The following BDNF variants were observed in gnomAD, a reference collection of about 807,000 sequenced individuals.
BDNF encodes the protein neurotrophic factor BDNF precursor form.
BDNF carries 1 observed loss-of-function variant against 19.5 expected under a neutral mutation model. That is an observed-to-expected ratio of 0.05 (90% CI 0.02 to 0.24). The LOEUF is 0.24. BDNF is among the 10% of genes least tolerant of loss of function. The pLI, the probability that BDNF is intolerant of heterozygous loss-of-function variation, is 1.00. For synonymous variants in BDNF, 100 were observed against 121.6 expected (o/e 0.82, Z 1.17); for missense variants, 195 against 317.6 (o/e 0.61, Z 2.93).
intron 1 of BDNF, among the ~76,000 whole-genome samples, chr11:27,664,702 G>C (rs1169635711): frequency 6.6e-6 from 1 of 152,154 alleles, no homozygotes; most frequent in Non-Finnish European, 1.5e-5. Flanking sequence ...AGGATTACTT[G>C]AGTCTAAGAA....
chr11:27,707,539 T>C (rs1022390575), intron 1 of BDNF, among the ~76,000 whole-genome samples: 5 of 152,238 alleles, frequency 3.3e-5, no homozygotes, highest in African/African-American at 1.2e-4. Flanking sequence ...CTGCTGCAAG[T>C]GTTTGCTGTA....
At chr11:27,708,878 G>A (rs1210460666) in intron 1 of BDNF, among the ~76,000 whole-genome samples, 1 of 144,252 alleles carries the variant, frequency 6.9e-6, no homozygotes, top group African/African-American at 2.6e-5. Context: ...ACCCAGACTG[G>A]AGTGCAATGG....
At chr11:27,692,817 T>C (rs887002447) in intron 1 of BDNF, among the ~76,000 whole-genome samples, 1 of 152,198 alleles carries the variant, frequency 6.6e-6, no homozygotes, top group African/African-American at 2.4e-5. Flanking sequence ...TTATGACAGT[T>C]CGTCAAATCT....
At chr11:27,682,518 C>T (rs914961353) in intron 1 of BDNF, among the ~76,000 whole-genome samples, 1 of 151,896 alleles carries the variant, frequency 6.6e-6, no homozygotes, top group Admixed American at 6.6e-5. Flanking sequence ...ATCAACTTGT[C>T]ATCTACATTA....
chr11:27,714,296 C>G (rs1022106353), intron 1 of BDNF, among the ~76,000 whole-genome samples: 1 of 152,158 alleles, frequency 6.6e-6, no homozygotes, highest in Non-Finnish European at 1.5e-5. Context: ...CTACCTGCTT[C>G]CTTTCATGTT....
intron 1 of BDNF, chr11:27,675,815 G>T: frequency 6.6e-6 from 1 of 151,930 alleles, no homozygotes; most frequent in African/African-American, 2.4e-5. Context: ...GACACTCACA[G>T]ACTGTGCCAA....
Position 27,657,281 on chromosome 11 carries a change from C to T in BDNF, c.*540G>A. The T allele has an allele frequency of 1.0e-6, 1 of 987,070 alleles. No homozygotes were observed. 61.1% of individuals were successfully genotyped at this position (987,070 alleles called of 1,614,324 possible). A position where few individuals can be genotyped will look rare whatever the true frequency, so the allele number is the denominator to read the frequency against. On this transcript the variant is annotated 3_prime_UTR_variant, in exon 2 of 2. Transcript: ENST00000356660. The surrounding 1 kb of genome is among the most constrained non-coding windows in gnomAD (Gnocchi z 5.0). ...AACACAAAACAAACAAAAATATACC[C>T]CCCATCCCCCATCCCCTAAGCCAGT...
At chr11:27,719,098 C>A (rs937062661) in intron 1 of BDNF, among the ~76,000 whole-genome samples, 2 of 152,342 alleles carry the variant, frequency 1.3e-5, no homozygotes, top group East Asian at 3.9e-4. Context: ...AAGAGGATAA[C>A]GCAGCCGCGC....
upstream of BDNF, among the ~76,000 whole-genome samples, chr11:27,703,045 C>T (rs1324242943): frequency 1.3e-5 from 2 of 152,182 alleles, no homozygotes; most frequent in Non-Finnish European, 1.5e-5. Flanking sequence ...AGCTTTGCAC[C>T]TCTGTCAACT....
At position 27,708,825 on chromosome 11, in the gene BDNF, C is replaced by CTTT. The variant is rs67977614; in HGVS notation, c.3+12584_3+12586dup. ...AGATATAATTAATTTTAGAATTCCTCTTTTTTTTTTTTTTTTTTTTTGATA... is the reference window on the plus strand; with the variant it reads ...AGATATAATTAATTTTAGAATTCCTCTTTTTTTTTTTTTTTTTTTTTTTTGATA... On this transcript the variant is annotated intron_variant, in intron 1 of 1. Coordinates refer to the BDNF transcript ENST00000314915. 5.6e-3 allele frequency among the ~76,000 whole-genome samples: 633 copies of CTTT among 112,340 alleles called. 3 individuals carry two copies. Among genetic ancestry groups the CTTT allele is most frequent in the Middle Eastern group, 0.016 (2 of 122 alleles). 73.7% of individuals were successfully genotyped at this position (112,340 alleles called of 152,430 possible).
chr11:27,662,558 T>C (rs1853630745), intron 1 of BDNF, among the ~76,000 whole-genome samples: 1 of 152,238 alleles, frequency 6.6e-6, no homozygotes, highest in Non-Finnish European at 1.5e-5. Context: ...AAGACAATTT[T>C]TCCACGGTCT....
At chr11:27,661,654 A>G (rs142420679) in intron 1 of BDNF, among the ~76,000 whole-genome samples, 67 of 152,264 alleles carry the variant, frequency 4.4e-4, no homozygotes, top group African/African-American at 1.3e-3. Context: ...TTTTTGTTCT[A>G]TCTGCTCAAA....
upstream of BDNF, chr11:27,701,091 C>T (rs41274440): frequency 0.011 from 13,874 of 1,319,738 alleles, 85 homozygotes; most frequent in Non-Finnish European, 0.012. Flanking sequence ...ACAGAGTTCG[C>T]GCACTGACCT....
At chr11:27,682,421 A>C (rs1161287322) in intron 1 of BDNF, among the ~76,000 whole-genome samples, 8 of 151,150 alleles carry the variant, frequency 5.3e-5, no homozygotes, top group Non-Finnish European at 1.2e-4. Context: ...AATAATAATA[A>C]TAATACTTTT....
At chr11:27,700,681 C>A, upstream of BDNF, 5 of 1,154,892 alleles carry the variant, frequency 4.3e-6, no homozygotes, top group Non-Finnish European at 5.4e-6. Flanking sequence ...CTCACCTCCT[C>A]CCCTAGGGCC....
chr11:27,710,983 G>T (rs1332093497), intron 1 of BDNF, among the ~76,000 whole-genome samples: 1 of 152,158 alleles, frequency 6.6e-6, no homozygotes, highest in East Asian at 1.9e-4. Flanking sequence ...ATATACTTAT[G>T]TCTGGATCAT....
At chr11:27,671,203 T>A (rs1855314878) in intron 1 of BDNF, among the ~76,000 whole-genome samples, 1 of 151,978 alleles carries the variant, frequency 6.6e-6, no homozygotes, top group South Asian at 2.1e-4. Context: ...ATATACCTAA[T>A]GTAAATGACG....
At chr11:27,698,650 CAT>C (rs1331696028) in intron 1 of BDNF, among the ~76,000 whole-genome samples, 1 of 152,108 alleles carries the variant, frequency 6.6e-6, no homozygotes, top group Non-Finnish European at 1.5e-5. Flanking sequence ...GGAGGGGTCT[CAT>C]TTAATATCAT....
chr11:27,707,696 A>G (rs1483364855), intron 1 of BDNF, among the ~76,000 whole-genome samples: 1 of 152,206 alleles, frequency 6.6e-6, no homozygotes, highest in African/African-American at 2.4e-5. Flanking sequence ...GATGGGGTGG[A>G]ATGGGGAATG....
Sources: gnomAD v4.1 joint callset for allele counts (sites outside exome capture counted in the v4.1 genomes callset) on GRCh38, gnomAD v4.1.1 for gene constraint, Gnocchi (gnomAD v3.1) non-coding constraint, MANE v1.5 for transcripts, NCBI Gene and HGNC (gene_info 2026-07-23, HGNC 2026-07-21) for gene names.